Variants in PRRG2 observed in about 807,000 individuals in gnomAD.
The protein encoded by PRRG2 is proline rich and Gla domain 2.
PRRG2 carries 23 observed loss-of-function variants against 27.1 expected under a neutral mutation model. The observed-to-expected ratio is 0.85, with a 90% CI of 0.61 to 1.20. The LOEUF (loss-of-function observed/expected upper bound fraction) is 1.20. PRRG2 is among the 50% of genes most tolerant of loss of function. The pLI is 0.00. For missense variants in PRRG2, 276 were observed against 254.8 expected (o/e 1.08, Z -0.57); for synonymous variants, 104 against 103.4 (o/e 1.01, Z -0.03).
intron 1 of PRRG2, among the ~76,000 whole-genome samples, 198 bp downstream of exon 1, chr19:49,581,679 G>A (rs2080625068): frequency 6.6e-6 from 1 of 152,160 alleles, no homozygotes; most frequent in Non-Finnish European, 1.5e-5. Context: ...GTGGGTGGAT[G>A]TGACAATGAG....
chr19:49,590,282 G>A, intron 6 of PRRG2, 89 bp from the exon 7 acceptor site: 1 of 1,591,058 alleles, frequency 6.3e-7, no homozygotes, highest in South Asian at 1.1e-5. Context: ...GATTGGCTGA[G>A]ACGCCAAGGG....
At chr19:49,586,543 C>T (rs528759533) in intron 4 of PRRG2, among the ~76,000 whole-genome samples, 99 of 152,212 alleles carry the variant, frequency 6.5e-4, no homozygotes, top group African/African-American at 2.4e-3. Flanking sequence ...TGTAGCACCA[C>T]ACCCAGCTAT....
chr19:49,589,742 G>C (rs2122260374), intron 5 of PRRG2, among the ~76,000 whole-genome samples, 158 bp from the exon 6 acceptor site: 1 of 152,048 alleles, frequency 6.6e-6, no homozygotes, highest in Middle Eastern at 3.4e-3. Context: ...CTGTGTGTAA[G>C]GCTAGGCTGA....
chr19:49,586,476 C>T (rs2080670884), intron 4 of PRRG2, among the ~76,000 whole-genome samples: 1 of 151,302 alleles, frequency 6.6e-6, no homozygotes, highest in Non-Finnish European at 1.5e-5. Flanking sequence ...CCTTGACCTC[C>T]TTGGGTCAAG....
At chr19:49,587,453 C>T (rs546548637) in intron 4 of PRRG2, among the ~76,000 whole-genome samples, 21 of 147,418 alleles carry the variant, frequency 1.4e-4, no homozygotes, top group South Asian at 6.4e-4. Flanking sequence ...GCTGGGACTA[C>T]AGGCAAGAAC....
chr19:49,587,213 G>C (rs532719170), intron 4 of PRRG2, among the ~76,000 whole-genome samples: 1 of 149,162 alleles, frequency 6.7e-6, no homozygotes, highest in South Asian at 2.1e-4. Context: ...CTGGGCTCAA[G>C]TGATCTTCCT....
Position 49,588,608 on chromosome 19 carries a change from G to T in PRRG2, c.413G>T (p.Arg138Leu). 6.5e-7 allele frequency: 1 copy of T among 1,545,302 alleles called. No individual in the cohort carries two copies. The change falls in exon 5 of 7, where the codon CGA becomes CTA. Residue 138 changes from arginine (R) to leucine (L), a missense_variant. By Grantham distance (102) the Arg-to-Leu change is moderately radical. Transcript: ENST00000246794. Reference sequence around the variant, plus strand: ...TGGTATCTGCGCTGGCGACAGCACCGAGGCCAGCAGCCCTGTCCCCAAGAG... The same window carrying T: ...TGGTATCTGCGCTGGCGACAGCACCTAGGCCAGCAGCCCTGTCCCCAAGAG... ...AFWYLRWRQHRGQQPCPQEAG... is the reference protein window; with the variant it reads ...AFWYLRWRQHLGQQPCPQEAG...
At chr19:49,586,393 T>C (rs1462970863) in intron 4 of PRRG2, among the ~76,000 whole-genome samples, 4 of 149,928 alleles carry the variant, frequency 2.7e-5, no homozygotes, top group African/African-American at 9.8e-5. Context: ...GGCCATTTTT[T>C]TTTTTTTTTT....
Position 49,590,750 on chromosome 19 carries a change from C to T in PRRG2, c.*361C>T. 1 of 335,812 alleles carries T rather than the reference C, an allele frequency of 3.0e-6. No individual in the cohort carries two copies. The highest frequency in any genetic ancestry group is 5.6e-6 in the Non-Finnish European group (1 of 177,548). The allele number at this position is 335,812 out of a possible 1,614,324, so 20.8% of individuals were successfully genotyped here. On this transcript the variant is annotated 3_prime_UTR_variant, in exon 7 of 7. Coordinates refer to ENST00000246794, the MANE Select transcript of PRRG2 (RefSeq NM_000951.3). ...GCAGATATGACCTGACAGCCCCCTC[C>T]AGTGCCACAGGGTACGCACACGCAG...
intron 2 of PRRG2, 79 bp downstream of exon 2, chr19:49,583,383 C>G: frequency 6.5e-7 from 1 of 1,545,596 alleles, no homozygotes; most frequent in Non-Finnish European, 8.9e-7. Flanking sequence ...AGTCCTTCCT[C>G]TTCCAGGAGT....
At chr19:49,590,139 A>C (rs2080706568) in intron 6 of PRRG2, 87 bp downstream of exon 6, 6 of 1,369,334 alleles carry the variant, frequency 4.4e-6, no homozygotes, top group African/African-American at 1.5e-5. Flanking sequence ...CGGGACTTGG[A>C]ATTTGGGCCT....
intron 4 of PRRG2, among the ~76,000 whole-genome samples, chr19:49,584,986 C>A (rs1290216397): frequency 6.6e-6 from 1 of 152,212 alleles, no homozygotes; most frequent in African/African-American, 2.4e-5. Context: ...CCCATCCTCA[C>A]CTGCCCATTT....
At chr19:49,584,009 C>T (rs1454905992) in intron 4 of PRRG2, 57 bp downstream of exon 4, 11 of 1,521,962 alleles carry the variant, frequency 7.2e-6, no homozygotes, top group African/African-American at 4.2e-5. Flanking sequence ...CCCTTCCCAG[C>T]GAGGCCAAAC....
intron 4 of PRRG2, among the ~76,000 whole-genome samples, 184 bp downstream of exon 4, chr19:49,584,136 C>T (rs1865078): frequency 0.064 from 9,688 of 151,908 alleles, 322 homozygotes; most frequent in South Asian, 0.13. Context: ...CTGAGGAGCC[C>T]CCCACACCTT....
chr19:49,590,476 G>A lies in PRRG2; in HGVS notation c.*87G>A. On this transcript the variant is annotated 3_prime_UTR_variant, in exon 7 of 7. Coordinates refer to ENST00000246794, the MANE Select transcript of PRRG2 (RefSeq NM_000951.3). ...GCCGCTAGGCCTCATAGACGCCGAA[G>A]CTGGACTTGGAGTGGGGAATGGTGG... is the stretch of plus-strand genomic sequence containing the variant. The A allele has an allele frequency of 6.3e-7, 1 of 1,575,758 alleles. No homozygotes were observed. Among genetic ancestry groups the A allele is most frequent in the South Asian group, 1.1e-5 (1 of 89,956 alleles).
At chr19:49,590,174 T>TGGGGGG in intron 6 of PRRG2, 122 bp downstream of exon 6, 2 of 1,321,884 alleles carry the variant, frequency 1.5e-6, no homozygotes, top group Non-Finnish European at 2.0e-6. Flanking sequence ...GGGCTTGGAG[T>TGGGGGG]GCGGGGGCGG....
At chr19:49,587,298 G>A (rs912315111) in intron 4 of PRRG2, among the ~76,000 whole-genome samples, 74 of 148,568 alleles carry the variant, frequency 5.0e-4, no homozygotes, top group African/African-American at 1.7e-3. Context: ...TTTTAAAAGC[G>A]TATTCCAAGT....
At chr19:49,587,723 G>A (rs1349612244) in intron 4 of PRRG2, among the ~76,000 whole-genome samples, 2 of 151,824 alleles carry the variant, frequency 1.3e-5, no homozygotes, top group African/African-American at 4.8e-5. Context: ...GACCTCAGGT[G>A]ACCCACCCAC....
rs1219927165 is a variant in PRRG2, at chr19:49,590,427, CCT to C, written c.*39_*40del. 6 of 1,613,500 alleles carry C rather than the reference CCT, an allele frequency of 3.7e-6. No individual in the cohort carries two copies. Among genetic ancestry groups the C allele is most frequent in the South Asian group, 2.2e-5 (2 of 91,078 alleles). On this transcript the variant is annotated 3_prime_UTR_variant, in exon 7 of 7. Transcript: ENST00000246794. ...GAGACCCGGCTCTCCGAACCGTGCC[CCT>C]GATTCATACCGGATTCCGGAAGCCG... is the stretch of plus-strand genomic sequence containing the variant.
Sources: allele counts gnomAD v4.1 joint callset (sites outside exome capture counted in the v4.1 genomes callset), GRCh38; gene constraint gnomAD v4.1.1; transcripts MANE v1.5; gene names NCBI Gene and HGNC (gene_info 2026-07-23, HGNC 2026-07-21).